Variants in FSIP1 observed in about 807,000 individuals in gnomAD.
FSIP1 encodes fibrous sheath-interacting protein 1.
In FSIP1, 65 loss-of-function variants were observed where a neutral mutation model predicts 60.9. That is an observed-to-expected ratio of 1.07 (90% confidence interval 0.87 to 1.31). FSIP1 has a LOEUF of 1.31. Ranked by LOEUF, FSIP1 falls within the 40% of genes most tolerant of loss-of-function variation. The pLI is 0.00. For synonymous variants in FSIP1, 209 were observed against 221.2 expected, an observed-to-expected ratio of 0.94 and a Z score of 0.49; for missense variants, 675 against 665.5, an observed-to-expected ratio of 1.01 and a Z score of -0.16.
chr15:39,605,925 C>T (rs1225960912), intron 11 of FSIP1, among the ~76,000 whole-genome samples: 1 of 152,076 alleles, frequency 6.6e-6, no homozygotes, highest in Non-Finnish European at 1.5e-5. Flanking sequence ...AATTAACTAA[C>T]TTACCTAAGA....
At position 39,675,804 on chromosome 15, in the gene FSIP1, T is replaced by C. The variant is rs373814436; in HGVS notation, c.1188+37640A>G. 1.1e-4 allele frequency among the ~76,000 whole-genome samples: 17 copies of C among 152,286 alleles called. No homozygotes were observed. In the East Asian group the frequency reaches 3.1e-3, roughly 28 times the overall value. On this transcript the variant is annotated intron_variant, in intron 10 of 11. Transcript: ENST00000350221. ...GATAAAGTTCTGCATTTCATCAAGA[T>C]GAAGTGAGATGCAAATAGATAAAAC...
At chr15:39,737,387 T>C (rs1189689226) in intron 8 of FSIP1, among the ~76,000 whole-genome samples, 1 of 152,146 alleles carries the variant, frequency 6.6e-6, no homozygotes, top group African/African-American at 2.4e-5. Context: ...CAAAGTTAAC[T>C]GGGCAGGAAC....
chr15:39,658,452 G>C (rs12900024), intron 10 of FSIP1, among the ~76,000 whole-genome samples: 85,687 of 151,520 alleles, frequency 0.57, 26,040 homozygotes, highest in Non-Finnish European at 0.7. Context: ...TTTTCACCAC[G>C]TTGGCCAGGC....
chr15:39,716,351 T>C (rs187158224), intron 9 of FSIP1, among the ~76,000 whole-genome samples: 1 of 152,170 alleles, frequency 6.6e-6, no homozygotes, highest in Non-Finnish European at 1.5e-5. Context: ...AAGAAAAAAA[T>C]TATAAGTTGC....
chr15:39,701,802 T>A (rs1290306665), intron 10 of FSIP1, among the ~76,000 whole-genome samples: 2 of 152,234 alleles, frequency 1.3e-5, no homozygotes, highest in Non-Finnish European at 2.9e-5. Flanking sequence ...TGATTGCTCA[T>A]GATAGTTTAT....
chr15:39,624,839 A>C (rs1189969723), intron 10 of FSIP1, among the ~76,000 whole-genome samples: 1 of 152,246 alleles, frequency 6.6e-6, no homozygotes, highest in Non-Finnish European at 1.5e-5. Context: ...CTAGTCAAAA[A>C]GGAAGCAAAT....
intron 11 of FSIP1, among the ~76,000 whole-genome samples, chr15:39,607,030 C>T (rs1478797022): frequency 1.3e-5 from 2 of 152,214 alleles, no homozygotes; most frequent in African/African-American, 2.4e-5. Context: ...CCCCACTCTC[C>T]TCATGCTCCC....
intron 10 of FSIP1, among the ~76,000 whole-genome samples, chr15:39,637,817 C>A (rs1892199163): frequency 6.6e-6 from 1 of 151,986 alleles, no homozygotes; most frequent in Admixed American, 6.6e-5. Flanking sequence ...AGACAAATAC[C>A]CCTGTAGGTA....
At chr15:39,776,578 A>T in intron 1 of FSIP1, 47 bp from the exon 2 acceptor site, 1 of 1,477,134 alleles carries the variant, frequency 6.8e-7, no homozygotes, top group Non-Finnish European at 9.3e-7. Context: ...TCGGATATTT[A>T]AATCTTTCAT....
intron 10 of FSIP1, among the ~76,000 whole-genome samples, chr15:39,684,779 T>C (rs1253883161): frequency 6.6e-6 from 1 of 152,234 alleles, no homozygotes; most frequent in Non-Finnish European, 1.5e-5. Flanking sequence ...TGGAAATAGC[T>C]GACTTGTATT....
chr15:39,719,444 A>G (rs1251562861), intron 9 of FSIP1, among the ~76,000 whole-genome samples: 1 of 152,208 alleles, frequency 6.6e-6, no homozygotes, highest in African/African-American at 2.4e-5. Flanking sequence ...GGTTGCCAAG[A>G]GATTCTGAGT....
At chr15:39,681,573 A>G (rs944439341) in intron 10 of FSIP1, among the ~76,000 whole-genome samples, 3 of 152,206 alleles carry the variant, frequency 2.0e-5, no homozygotes, top group African/African-American at 4.8e-5. Context: ...AAACATACCA[A>G]TTTTTAAAAA....
At chr15:39,639,028 A>G (rs1892251527) in intron 10 of FSIP1, among the ~76,000 whole-genome samples, 1 of 152,244 alleles carries the variant, frequency 6.6e-6, no homozygotes, top group African/African-American at 2.4e-5. Flanking sequence ...AGTCTATGAT[A>G]TCGGAGATAT....
At chr15:39,648,059 C>T (rs1273269256) in intron 10 of FSIP1, among the ~76,000 whole-genome samples, 1 of 151,062 alleles carries the variant, frequency 6.6e-6, no homozygotes. Context: ...GGGAGATATA[C>T]CTAAGGCTAG....
chr15:39,692,605 C>A (rs991493096), intron 10 of FSIP1, among the ~76,000 whole-genome samples: 5 of 152,068 alleles, frequency 3.3e-5, no homozygotes, highest in African/African-American at 1.2e-4. Flanking sequence ...AATTTAAGGA[C>A]CAGTTACAAC....
At chr15:39,750,449 A>G (rs1348327275) in intron 5 of FSIP1, among the ~76,000 whole-genome samples, 1 of 152,056 alleles carries the variant, frequency 6.6e-6, no homozygotes, top group Non-Finnish European at 1.5e-5. Flanking sequence ...CACACAGACC[A>G]GCAGAACAAA....
intron 9 of FSIP1, among the ~76,000 whole-genome samples, chr15:39,723,077 T>C (rs1454939415): frequency 1.3e-5 from 2 of 152,210 alleles, no homozygotes; most frequent in African/African-American, 4.8e-5. Flanking sequence ...GTCACTGTGC[T>C]AAACACTTTA....
chr15:39,763,106 T>C (rs1185002413), intron 5 of FSIP1, among the ~76,000 whole-genome samples: 1 of 152,230 alleles, frequency 6.6e-6, no homozygotes, highest in African/African-American at 2.4e-5. Context: ...ATAGTAATTT[T>C]TTTTGTTTAA....
At chr15:39,692,984 C>A (rs921059099) in intron 10 of FSIP1, among the ~76,000 whole-genome samples, 14 of 152,192 alleles carry the variant, frequency 9.2e-5, no homozygotes, top group Non-Finnish European at 7.3e-5. Flanking sequence ...GCTCACTTCC[C>A]AGCTTAATTT....
Sources: gnomAD v4.1 joint callset for allele counts (sites outside exome capture counted in the v4.1 genomes callset) on GRCh38, gnomAD v4.1.1 for gene constraint, MANE v1.5 for transcripts, NCBI Gene and HGNC (gene_info 2026-07-23, HGNC 2026-07-21) for gene names.